The following QTMAN variants were observed in gnomAD, a reference collection of about 807,000 sequenced individuals.
QTMAN encodes tRNA-queuosine alpha-mannosyltransferase.
chr2:144,276,004 A>G, the QTMAN span, among the ~76,000 whole-genome samples: 1 of 152,138 alleles, frequency 6.6e-6, no homozygotes, highest in Non-Finnish European at 1.5e-5. Flanking sequence ...GCACACGTGA[A>G]ATTTTATTTA....
chr2:144,242,412 T>C, the QTMAN span, among the ~76,000 whole-genome samples: 1 of 152,134 alleles, frequency 6.6e-6, no homozygotes, highest in African/African-American at 2.4e-5. Flanking sequence ...TTACATAATA[T>C]TTTCAATCAT....
At chr2:144,149,794 G>C in the QTMAN span, among the ~76,000 whole-genome samples, 1 of 151,980 alleles carries the variant, frequency 6.6e-6, no homozygotes, top group African/African-American at 2.4e-5. Flanking sequence ...TGAAATTCGA[G>C]ATTAAAGATT....
chr2:144,008,031 A>G, the QTMAN span, among the ~76,000 whole-genome samples: 1 of 152,168 alleles, frequency 6.6e-6, no homozygotes, highest in Non-Finnish European at 1.5e-5. Flanking sequence ...TGTTTCCTGA[A>G]GTATATTTTA....
At chr2:144,199,093 G>A in the QTMAN span, among the ~76,000 whole-genome samples, 1 of 151,142 alleles carries the variant, frequency 6.6e-6, no homozygotes, top group Admixed American at 6.6e-5. Flanking sequence ...TGTTGCGCAG[G>A]CTAGAGTGCA....
the QTMAN span, chr2:143,945,253 T>C: frequency 1.3e-5 from 2 of 152,204 alleles, no homozygotes; most frequent in African/African-American, 4.8e-5. Context: ...CTGAGTTCCA[T>C]AGTCTTAGAC....
chr2:144,038,860 T>C, the QTMAN span, among the ~76,000 whole-genome samples: 1 of 152,210 alleles, frequency 6.6e-6, no homozygotes, highest in Non-Finnish European at 1.5e-5. Flanking sequence ...AAATAGTTTA[T>C]AATATTAAAC....
At chr2:144,146,646 T>C in the QTMAN span, among the ~76,000 whole-genome samples, 1 of 151,812 alleles carries the variant, frequency 6.6e-6, no homozygotes, top group Non-Finnish European at 1.5e-5. Flanking sequence ...ATACTAATTG[T>C]CTGGGACAAC....
chr2:144,261,670 A>G, the QTMAN span, among the ~76,000 whole-genome samples: 1 of 152,216 alleles, frequency 6.6e-6, no homozygotes. Flanking sequence ...TCTCAGGGAG[A>G]CGACTCAAAA....
the QTMAN span, among the ~76,000 whole-genome samples, chr2:144,024,787 G>A: frequency 6.6e-6 from 1 of 152,084 alleles, no homozygotes; most frequent in Admixed American, 6.6e-5. Flanking sequence ...TTGCTACATA[G>A]AACACTCCTT....
chr2:144,180,836 A>G, the QTMAN span, among the ~76,000 whole-genome samples: 1 of 152,180 alleles, frequency 6.6e-6, no homozygotes, highest in Non-Finnish European at 1.5e-5. Flanking sequence ...ATGATAAAGT[A>G]GAAAAATTGT....
the QTMAN span, among the ~76,000 whole-genome samples, chr2:144,106,450 G>A: frequency 6.6e-6 from 1 of 152,166 alleles, no homozygotes; most frequent in African/African-American, 2.4e-5. Flanking sequence ...GGCAGGGGTT[G>A]CAATCCTAGT....
the QTMAN span, among the ~76,000 whole-genome samples, chr2:144,010,450 T>C: frequency 6.6e-6 from 1 of 152,002 alleles, no homozygotes; most frequent in Non-Finnish European, 1.5e-5. Flanking sequence ...TCTCACAAAA[T>C]TGAAACAAAT....
chr2:144,090,542 A>G, the QTMAN span, among the ~76,000 whole-genome samples: 2,098 of 152,162 alleles, frequency 0.014, 48 homozygotes, highest in African/African-American at 0.048. Flanking sequence ...ATAAAAATAT[A>G]AAAGTTAATT....
the QTMAN span, among the ~76,000 whole-genome samples, chr2:144,235,051 C>T: frequency 2.4e-4 from 37 of 152,270 alleles, no homozygotes; most frequent in African/African-American, 8.7e-4. Flanking sequence ...TCGCTGCTCG[C>T]CTTTTATATT....
At chr2:144,136,381 G>GGAAAAA in the QTMAN span, among the ~76,000 whole-genome samples, 1 of 96,280 alleles carries the variant, frequency 1.0e-5, no homozygotes, top group Non-Finnish European at 1.9e-5. Context: ...AAAAGGAAAA[G>GGAAAAA]GAAAAGGAAA....
At chr2:144,126,523 G>GCTTTTACTTA in the QTMAN span, among the ~76,000 whole-genome samples, 2 of 151,932 alleles carry the variant, frequency 1.3e-5, no homozygotes, top group Non-Finnish European at 2.9e-5. Flanking sequence ...TATTTGAGGG[G>GCTTTTACTTA]ATGCATACAG....
At chr2:143,941,898 G>A in the QTMAN span, 1 of 151,288 alleles carries the variant, frequency 6.6e-6, no homozygotes, top group East Asian at 2.0e-4. Flanking sequence ...GTAGGGAAAG[G>A]CTTATACAAA....
chr2:144,117,273 C>G, the QTMAN span, among the ~76,000 whole-genome samples: 1 of 152,188 alleles, frequency 6.6e-6, no homozygotes, highest in Admixed American at 6.5e-5. Flanking sequence ...ATCCACACAG[C>G]TCATATCCTC....
chr2:143,999,596 T>G, the QTMAN span, among the ~76,000 whole-genome samples: 1 of 152,026 alleles, frequency 6.6e-6, no homozygotes, highest in Non-Finnish European at 1.5e-5. Context: ...AATCCACCTA[T>G]CCACCTGTCC....
Sources: gnomAD v4.1 joint callset for allele counts (sites outside exome capture counted in the v4.1 genomes callset) on GRCh38, gnomAD v4.1.1 for gene constraint, MANE v1.5 for transcripts, NCBI Gene and HGNC (gene_info 2026-07-23, HGNC 2026-07-21) for gene names.